ADAM23: variants seen among roughly 807,000 people sequenced by gnomAD.
ADAM23 encodes disintegrin and metalloproteinase domain-containing protein 23.
Under a neutral mutation model 120.1 loss-of-function variants are expected in ADAM23, and 33 were observed. The ratio of observed to expected loss-of-function variants is 0.27; its 90% confidence interval spans 0.21 to 0.37. The LOEUF (loss-of-function observed/expected upper bound fraction) is 0.37. Among genes scored for constraint, ADAM23 ranks in the 10% least tolerant of loss-of-function variants. The pLI, the probability that ADAM23 is intolerant of heterozygous loss-of-function variation, is 1.00. For synonymous variants in ADAM23, 367 were observed against 375.2 expected (o/e 0.98, Z 0.25); for missense variants, 862 against 1,058.2 (o/e 0.81, Z 2.57).
At chr2:206,496,027 CTT>C (rs1696238424) in intron 3 of ADAM23, among the ~76,000 whole-genome samples, 2 of 152,162 alleles carry the variant, frequency 1.3e-5, no homozygotes, top group Admixed American at 1.3e-4. Flanking sequence ...TACAAAGAGA[CTT>C]AGACTCCCAC....
rs142937422 is a variant in ADAM23, at chr2:206,501,438, A to G, written c.509+20130A>G. Among the ~76,000 whole-genome samples the G allele has an allele frequency of 8.2e-4, 125 of 152,092 alleles. 1 individual carries two copies. Among genetic ancestry groups the G allele is most frequent in the African/African-American group, 2.8e-3 (115 of 41,498 alleles). Reference sequence around the variant, plus strand: ...TGGAGACTGAGCATTAGGCTACTTCATTCAGTTATCAGCACCTCCTGGAAA... The same window carrying G: ...TGGAGACTGAGCATTAGGCTACTTCGTTCAGTTATCAGCACCTCCTGGAAA... On this transcript the variant is annotated intron_variant, in intron 3 of 25. Transcript: ENST00000264377.
intron 2 of ADAM23, among the ~76,000 whole-genome samples, chr2:206,455,069 C>G (rs1429746887): frequency 6.6e-6 from 1 of 152,272 alleles, no homozygotes; most frequent in African/African-American, 2.4e-5. Context: ...CAAACATTTC[C>G]CCTCTGCACT....
chr2:206,542,184 C>A (rs753981261), intron 5 of ADAM23, 50 bp downstream of exon 5: 7 of 1,547,502 alleles, frequency 4.5e-6, no homozygotes, highest in Admixed American at 1.7e-5. Context: ...TTCCAGTTTC[C>A]CTTTTATGGA....
At position 206,617,658 on chromosome 2, in the gene ADAM23, A is replaced by C; in HGVS notation, c.*31A>C. The C allele has an allele frequency of 1.2e-6, 2 of 1,612,722 alleles. No homozygotes were observed. Among genetic ancestry groups the C allele is most frequent in the Non-Finnish European group, 1.7e-6 (2 of 1,179,418 alleles). On this transcript the variant is annotated 3_prime_UTR_variant, in exon 26 of 26. Coordinates refer to ENST00000264377, the MANE Select transcript of ADAM23 (RefSeq NM_003812.4). ...CTGCGCTGGATGGACACCGCCTTGC[A>C]CTGTTGGATTCTGGGTATGACATAC...
At chr2:206,578,033 A>T (rs908738886) in intron 18 of ADAM23, among the ~76,000 whole-genome samples, 2 of 152,040 alleles carry the variant, frequency 1.3e-5, no homozygotes, top group Non-Finnish European at 2.9e-5. Context: ...GCATTTTTTC[A>T]TGTGTTTTTT....
rs983549232 is a variant in ADAM23, at chr2:206,588,243, A to G, written c.1852+89A>G. The G allele has an allele frequency of 5.2e-6, 7 of 1,347,614 alleles. No individual in the cohort carries two copies. The Admixed American group carries it at 1.4e-4, about 28-fold the overall frequency. The allele number at this position is 1,347,614 out of a possible 1,614,324, so 83.5% of individuals were successfully genotyped here. On this transcript the variant is annotated intron_variant, in intron 20 of 25. Coordinates refer to ENST00000264377, the MANE Select transcript of ADAM23 (RefSeq NM_003812.4). ...GCCAGTCTTGCTGAGAGAGATGCAC[A>G]GCTTGGAGTGATGTTTTAAAAAAAT... is the stretch of plus-strand genomic sequence containing the variant.
chr2:206,538,291 A>G (rs188440932), intron 4 of ADAM23, among the ~76,000 whole-genome samples: 1 of 152,264 alleles, frequency 6.6e-6, no homozygotes, highest in Admixed American at 6.5e-5. Flanking sequence ...CTTATTCTGC[A>G]GTACTCAAAA....
chr2:206,609,778 T>C, intron 24 of ADAM23, 132 bp from the exon 25 acceptor site: 1 of 690,286 alleles, frequency 1.4e-6, no homozygotes. Context: ...GCTAAGTAAA[T>C]AAAGGCAATT....
Position 206,523,959 on chromosome 2 carries a change from C to T in ADAM23, c.510-6926C>T, listed in dbSNP as rs575905084. Among the ~76,000 whole-genome samples, 43 of 152,098 alleles carry T rather than the reference C, an allele frequency of 2.8e-4. No homozygotes were observed. The South Asian group carries it at 6.7e-3, about 24-fold the overall frequency. ...GAGGCTCCATGAAGTTGAGAGTCTCCGCAGTGACAGCATTGGTTGTCATTA... is the reference window on the plus strand; with the variant it reads ...GAGGCTCCATGAAGTTGAGAGTCTCTGCAGTGACAGCATTGGTTGTCATTA... On this transcript the variant is annotated intron_variant, in intron 3 of 25. Coordinates refer to ENST00000264377, the MANE Select transcript of ADAM23 (RefSeq NM_003812.4).
chr2:206,555,419 A>G (rs1316301666), intron 9 of ADAM23, among the ~76,000 whole-genome samples: 1 of 152,096 alleles, frequency 6.6e-6, no homozygotes, highest in Non-Finnish European at 1.5e-5. Context: ...TGGTACTTGA[A>G]TTCACTTCTC....
chr2:206,599,154 G>A (rs1382444329), intron 24 of ADAM23, among the ~76,000 whole-genome samples: 3 of 143,074 alleles, frequency 2.1e-5, no homozygotes, highest in Admixed American at 7.0e-5. Context: ...ACAGTGAGCC[G>A]AGATCGTGCC....
At chr2:206,608,387 C>A (rs1282456491) in intron 24 of ADAM23, among the ~76,000 whole-genome samples, 1 of 152,172 alleles carries the variant, frequency 6.6e-6, no homozygotes, top group Non-Finnish European at 1.5e-5. Flanking sequence ...GCCGCTATCA[C>A]TCACAAACTT....
At chr2:206,515,398 T>C (rs1485139284) in intron 3 of ADAM23, among the ~76,000 whole-genome samples, 1 of 152,144 alleles carries the variant, frequency 6.6e-6, no homozygotes, top group East Asian at 1.9e-4. Flanking sequence ...TGAAACCAGC[T>C]TTGTTGTGGT....
intron 24 of ADAM23, among the ~76,000 whole-genome samples, chr2:206,604,506 A>C (rs1184285909): frequency 6.6e-6 from 1 of 151,118 alleles, no homozygotes; most frequent in Non-Finnish European, 1.5e-5. Context: ...TTCTTCCCTT[A>C]GCCTTCAACA....
intron 3 of ADAM23, among the ~76,000 whole-genome samples, chr2:206,498,105 C>G (rs1407120881): frequency 6.6e-6 from 1 of 152,104 alleles, no homozygotes; most frequent in Non-Finnish European, 1.5e-5. Flanking sequence ...AATGCCATCC[C>G]CATCAAGCTA....
At chr2:206,471,500 A>G (rs1695660083) in intron 2 of ADAM23, among the ~76,000 whole-genome samples, 1 of 152,178 alleles carries the variant, frequency 6.6e-6, no homozygotes, top group African/African-American at 2.4e-5. Flanking sequence ...CTTTTAGAAT[A>G]GTATTCACAT....
At chr2:206,541,306 G>A (rs1423040804) in intron 4 of ADAM23, among the ~76,000 whole-genome samples, 1 of 152,144 alleles carries the variant, frequency 6.6e-6, no homozygotes, top group Non-Finnish European at 1.5e-5. Flanking sequence ...AACAATATTT[G>A]TGTACACATA....
intron 23 of ADAM23, 58 bp downstream of exon 23, chr2:206,594,963 C>G: frequency 6.3e-7 from 1 of 1,584,956 alleles, no homozygotes; most frequent in Non-Finnish European, 8.6e-7. Context: ...GTCACAGTGA[C>G]TGGACTTTAA....
intron 14 of ADAM23, 96 bp from the exon 15 acceptor site, chr2:206,567,127 A>G (rs1697901924): frequency 3.1e-6 from 3 of 962,986 alleles, no homozygotes; most frequent in Admixed American, 4.4e-5. Flanking sequence ...TTTGGATTCA[A>G]AGTGAACATT....
Sources: allele counts gnomAD v4.1 joint callset (sites outside exome capture counted in the v4.1 genomes callset), GRCh38; gene constraint gnomAD v4.1.1; transcripts MANE v1.5; gene names NCBI Gene and HGNC (gene_info 2026-07-23, HGNC 2026-07-21).